Variants in VPS41 observed in about 807,000 individuals in gnomAD.
VPS41 encodes vacuolar protein sorting-associated protein 41 homolog.
A neutral mutation model predicts 130.9 loss-of-function variants in VPS41; 85 were observed. The ratio of observed to expected loss-of-function variants is 0.65; its 90% CI spans 0.55 to 0.78. The LOEUF is 0.78. VPS41 is among the 30% of genes least tolerant of loss of function. VPS41 has a pLI of 0.00. For missense variants in VPS41, 874 were observed against 1,018.7 expected (o/e 0.86, Z 1.93); for synonymous variants, 335 against 332.9 (o/e 1.01, Z -0.07).
At chr7:38,853,103 C>T (rs1330835885) in intron 4 of VPS41, among the ~76,000 whole-genome samples, 1 of 152,150 alleles carries the variant, frequency 6.6e-6, no homozygotes, top group Non-Finnish European at 1.5e-5. Context: ...ATGTTCCTCA[C>T]CCTTTGGTGA....
intron 2 of VPS41, among the ~76,000 whole-genome samples, chr7:38,890,997 A>C (rs575232524): frequency 1.2e-4 from 16 of 130,290 alleles, no homozygotes; most frequent in Non-Finnish European, 2.1e-4. Flanking sequence ...TTTCAAAATG[A>C]CTTTTTTTTA....
At chr7:38,758,531 A>C in intron 17 of VPS41, 50 bp from the exon 18 acceptor site, 1 of 1,566,060 alleles carries the variant, frequency 6.4e-7, no homozygotes, top group Non-Finnish European at 8.7e-7. Context: ...ACAGAATAAT[A>C]GTTGTGATAT....
intron 2 of VPS41, among the ~76,000 whole-genome samples, chr7:38,874,818 T>C (rs2116358745): frequency 6.6e-6 from 1 of 152,304 alleles, no homozygotes; most frequent in African/African-American, 2.4e-5. Context: ...TTTCTAGAAC[T>C]CTAATTACCT....
intron 17 of VPS41, among the ~76,000 whole-genome samples, chr7:38,760,579 TTTA>T (rs201548480): frequency 0.073 from 11,110 of 152,064 alleles, 475 homozygotes; most frequent in African/African-American, 0.11. Flanking sequence ...TTTATTTATT[TTTA>T]AAATTTGCTC....
intron 25 of VPS41, among the ~76,000 whole-genome samples, chr7:38,733,797 G>A (rs762053245): frequency 3.9e-5 from 6 of 152,082 alleles, no homozygotes; most frequent in Non-Finnish European, 8.8e-5. Context: ...ACTGACAATC[G>A]GATGGTTGTG....
Position 38,752,276 on chromosome 7 carries a change from C to T in VPS41, c.1826G>A (p.Gly609Glu). ...GATCTGTTTTTCATGGTAACGCTGC[C>T]CCTTATGGTGGTCTCTCTTGAAAAG... Reference protein sequence around the residue: ...HKLFKRDHHKGQRYHEKQISL... With the variant: ...HKLFKRDHHKEQRYHEKQISL... Residue 609 changes from glycine to glutamate, a missense_variant, in exon 22 of 29, where the codon GGG becomes GAG. Coordinates refer to ENST00000310301, the MANE Select transcript of VPS41 (RefSeq NM_014396.4). The T allele has an allele frequency of 6.2e-7, 1 of 1,613,818 alleles. No homozygotes were observed. The highest frequency in any genetic ancestry group is 1.3e-5 in the African/African-American group (1 of 74,998).
chr7:38,796,369 G>T (rs985105570), intron 8 of VPS41: 13 of 424,638 alleles, frequency 3.1e-5, no homozygotes, highest in African/African-American at 2.7e-4. Context: ...GAGTAAAAGA[G>T]AAATCAGCAA....
intron 4 of VPS41, among the ~76,000 whole-genome samples, chr7:38,843,596 G>C (rs1333479775): frequency 6.6e-6 from 1 of 151,984 alleles, no homozygotes; most frequent in Non-Finnish European, 1.5e-5. Flanking sequence ...GCAGGAGAAT[G>C]GCACGAACCC....
At position 38,832,319 on chromosome 7, in the gene VPS41, CTTTTT is replaced by C. The variant is rs543207806; in HGVS notation, c.247-1996_247-1992del. Among the ~76,000 whole-genome samples, 3 of 114,744 alleles carry C rather than the reference CTTTTT, an allele frequency of 2.6e-5. 1 individual carries two copies. Among genetic ancestry groups the C allele is most frequent in the African/African-American group, 7.0e-5 (2 of 28,586 alleles). 75.3% of individuals were successfully genotyped at this position (114,744 alleles called of 152,430 possible). On this transcript the variant is annotated intron_variant, in intron 4 of 28. Transcript: ENST00000310301. ...ATTTCAGAATTCATTTTCTTTCTTT[CTTTTT>C]TTTTTTTTTTTTTTGAGACAGATTC... is the stretch of plus-strand genomic sequence containing the variant.
intron 1 of VPS41, among the ~76,000 whole-genome samples, chr7:38,902,192 G>C (rs1250907696): frequency 6.6e-6 from 1 of 152,132 alleles, no homozygotes. Flanking sequence ...CCAAAGCACA[G>C]ACCAGACGGC....
intron 25 of VPS41, among the ~76,000 whole-genome samples, chr7:38,737,692 C>T (rs1172007762): frequency 6.6e-6 from 1 of 152,088 alleles, no homozygotes; most frequent in Non-Finnish European, 1.5e-5. Context: ...ATATGGGGGT[C>T]GATCACCACA....
intron 3 of VPS41, among the ~76,000 whole-genome samples, chr7:38,867,007 T>C (rs1786244024): frequency 6.6e-6 from 1 of 152,202 alleles, no homozygotes; most frequent in Admixed American, 6.5e-5. Context: ...TGATACATGC[T>C]ACATCATGAA....
At position 38,861,707 on chromosome 7, in the gene VPS41, A is replaced by G. The variant is rs543312328; in HGVS notation, c.246+838T>C. Among the ~76,000 whole-genome samples the G allele has an allele frequency of 1.1e-4, 17 of 152,286 alleles. No homozygotes were observed. The South Asian group carries it at 2.1e-3, about 19-fold the overall frequency. On this transcript the variant is annotated intron_variant, in intron 4 of 28. Coordinates refer to ENST00000310301, the MANE Select transcript of VPS41 (RefSeq NM_014396.4). Reference sequence around the variant, plus strand: ...CTGATGCTTTCTTCAAAAAAGTAGTATTTGTCCCCTGAAATGATCACCTTT... The same window carrying G: ...CTGATGCTTTCTTCAAAAAAGTAGTGTTTGTCCCCTGAAATGATCACCTTT...
intron 4 of VPS41, among the ~76,000 whole-genome samples, chr7:38,858,494 A>G (rs892458371): frequency 6.6e-6 from 1 of 152,154 alleles, no homozygotes; most frequent in Non-Finnish European, 1.5e-5. Context: ...ACGAATCCTA[A>G]GAGGAGTCCA....
At chr7:38,828,088 C>T (rs1042359026) in intron 5 of VPS41, among the ~76,000 whole-genome samples, 16 of 152,104 alleles carry the variant, frequency 1.1e-4, no homozygotes, top group African/African-American at 3.1e-4. Flanking sequence ...AAGGGAGCAA[C>T]ATCTCCAAAA....
At chr7:38,801,235 A>G (rs1784718889) in intron 7 of VPS41, among the ~76,000 whole-genome samples, 10 of 152,224 alleles carry the variant, frequency 6.6e-5, no homozygotes, top group Admixed American at 6.5e-4. Flanking sequence ...CTGCTCTGAC[A>G]TGCAATTAAA....
At chr7:38,854,619 T>C (rs1466138121) in intron 4 of VPS41, among the ~76,000 whole-genome samples, 1 of 152,208 alleles carries the variant, frequency 6.6e-6, no homozygotes, top group Admixed American at 6.5e-5. Context: ...GAAAAAAACC[T>C]TGATTATCTG....
At chr7:38,886,249 T>C (rs903092501) in intron 2 of VPS41, among the ~76,000 whole-genome samples, 1 of 152,138 alleles carries the variant, frequency 6.6e-6, no homozygotes, top group African/African-American at 2.4e-5. Context: ...TCTTAGTCAA[T>C]GGAAGCCATA....
chr7:38,784,413 G>A (rs971678129), intron 10 of VPS41, among the ~76,000 whole-genome samples: 1 of 152,154 alleles, frequency 6.6e-6, no homozygotes, highest in African/African-American at 2.4e-5. Context: ...CAAGGTGGGA[G>A]GATTTCTTGA....
Sources: allele counts gnomAD v4.1 joint callset (sites outside exome capture counted in the v4.1 genomes callset), GRCh38; gene constraint gnomAD v4.1.1; transcripts MANE v1.5; gene names NCBI Gene and HGNC (gene_info 2026-07-23, HGNC 2026-07-21).